Variants in PPFIA4 observed in about 807,000 individuals in gnomAD.
PPFIA4 encodes the protein PPFI scaffold protein A4, also known as liprin-alpha-4.
PPFIA4 carries 98 observed loss-of-function variants against 145.7 expected under a neutral mutation model. That is an observed-to-expected ratio of 0.67 (90% CI 0.57 to 0.80). The LOEUF (loss-of-function observed/expected upper bound fraction) is 0.80. Ranked by LOEUF, PPFIA4 falls within the 30% of genes least tolerant of loss-of-function variation. PPFIA4 has a pLI of 0.00. For missense variants in PPFIA4, 1,457 were observed against 1,632.7 expected (o/e 0.89, Z 1.85); for synonymous variants, 628 against 649.6 (o/e 0.97, Z 0.51).
intron 1 of PPFIA4, among the ~76,000 whole-genome samples, chr1:203,029,793 T>A (rs1558058305): frequency 6.6e-6 from 1 of 152,238 alleles, no homozygotes; most frequent in Non-Finnish European, 1.5e-5. Flanking sequence ...TCATAAAGCA[T>A]GGCATATGGG....
rs568442833 is a variant in PPFIA4, at chr1:203,044,379, G to T, written c.502G>T (p.Val168Leu). The stretch of plus-strand genomic sequence containing the variant: ...CTCCATCTCCCCTTACCTCGAGCAG[G>T]TGCGAGAGCGGCTCCGGGCAGCGCT... ...FEHHKALDEK[V>L]RERLRAALER... Residue 168 changes from valine (V) to leucine (L), a missense_variant and splice_region_variant, in exon 5 of 30, where the codon GTG becomes TTG. Physicochemically the swap from Val to Leu is conservative, Grantham distance 32. Around this residue, in one of 3 missense-constraint regions of PPFIA4, gnomAD observed 463 missense variants for 459.8 expected, o/e 1.01. Transcript: ENST00000295706. 5.3e-5 allele frequency: 82 copies of T among 1,551,396 alleles called. No individual in the cohort carries two copies. Among genetic ancestry groups the T allele is most frequent in the Non-Finnish European group, 6.4e-5 (74 of 1,147,484 alleles).
rs1662549708 is a variant in PPFIA4 at position 203,076,394 on chromosome 1, T to C, written c.*4T>C. On this transcript the variant is annotated 3_prime_UTR_variant, in exon 30 of 30. Coordinates refer to ENST00000295706, the MANE Select transcript of PPFIA4 (RefSeq NM_001304331.2). ...GCTCTCCGCCTTCCGGGACTAGCCATGGCCCCCAGGGCTGGCTTCCTCCTT... is the reference window on the plus strand; with the variant it reads ...GCTCTCCGCCTTCCGGGACTAGCCACGGCCCCCAGGGCTGGCTTCCTCCTT... The C allele has an allele frequency of 2.5e-6, 4 of 1,608,422 alleles. No individual in the cohort carries two copies. Among genetic ancestry groups the C allele is most frequent in the African/African-American group, 2.7e-5 (2 of 75,070 alleles).
intron 28 of PPFIA4, among the ~76,000 whole-genome samples, chr1:203,072,643 G>A (rs1201067221): frequency 6.6e-6 from 1 of 152,158 alleles, no homozygotes; most frequent in Non-Finnish European, 1.5e-5. Context: ...AGCCCAGAGT[G>A]TGTGTGTTTT....
chr1:203,064,855 A>G (rs1661625790), intron 25 of PPFIA4, among the ~76,000 whole-genome samples: 1 of 152,164 alleles, frequency 6.6e-6, no homozygotes, highest in Non-Finnish European at 1.5e-5. Context: ...CCCAGCAGGC[A>G]TTTGTGCTGG....
At chr1:203,073,614 T>G (rs1662320724) in intron 28 of PPFIA4, among the ~76,000 whole-genome samples, 1 of 152,184 alleles carries the variant, frequency 6.6e-6, no homozygotes, top group South Asian at 2.1e-4. Context: ...CTGCTGATTT[T>G]GGTACTTAGT....
At chr1:203,035,469 G>T (rs1448871787) in intron 1 of PPFIA4, 1 of 409,870 alleles carries the variant, frequency 2.4e-6, no homozygotes, top group East Asian at 7.7e-5. Flanking sequence ...GTTTCTAAAG[G>T]CCCAAGGCCT....
At chr1:203,027,350 T>C (rs12135775) in intron 1 of PPFIA4, among the ~76,000 whole-genome samples, 13,164 of 152,180 alleles carry the variant, frequency 0.087, 681 homozygotes, top group East Asian at 0.15. Flanking sequence ...GAGGTTTTGA[T>C]GGTGGGTGGG....
chr1:203,054,977 A>C (rs1311327857), intron 15 of PPFIA4, among the ~76,000 whole-genome samples: 2 of 152,172 alleles, frequency 1.3e-5, no homozygotes, highest in African/African-American at 4.8e-5. Context: ...CCTCCCAGGC[A>C]CACACGTGTA....
At chr1:203,044,129 C>G in intron 4 of PPFIA4, 34 bp downstream of exon 4, 1 of 1,546,420 alleles carries the variant, frequency 6.5e-7, no homozygotes, top group Non-Finnish European at 8.7e-7. Flanking sequence ...CACATCCAGC[C>G]AGGCTGCCCT....
At chr1:203,064,886 G>A (rs1248095260) in intron 25 of PPFIA4, among the ~76,000 whole-genome samples, 2 of 152,170 alleles carry the variant, frequency 1.3e-5, no homozygotes, top group Admixed American at 6.5e-5. Context: ...AGGTGGCCAC[G>A]GTTCTAGGAT....
intron 9 of PPFIA4, among the ~76,000 whole-genome samples, chr1:203,047,258 C>A (rs573200049): frequency 9.2e-5 from 14 of 152,234 alleles, no homozygotes; most frequent in African/African-American, 3.4e-4. Flanking sequence ...GTCTCTGCGA[C>A]CTGGGAAAAG....
intron 8 of PPFIA4, 38 bp downstream of exon 8, chr1:203,046,025 T>TTAG (rs1660060438): frequency 1.2e-6 from 2 of 1,611,316 alleles, no homozygotes; most frequent in Non-Finnish European, 1.7e-6. Flanking sequence ...GGCATTGTAC[T>TTAG]TAGCCCTGGA....
In PPFIA4 at chr1:203,076,396, G is replaced by A; in HGVS notation, c.*6G>A. On this transcript the variant is annotated 3_prime_UTR_variant, in exon 30 of 30. Transcript: ENST00000295706. ...TCTCCGCCTTCCGGGACTAGCCATG[G>A]CCCCCAGGGCTGGCTTCCTCCTTCT... 1.2e-6 allele frequency: 2 copies of A among 1,608,098 alleles called. No individual in the cohort carries two copies. The highest frequency in any genetic ancestry group is 8.5e-7 in the Non-Finnish European group (1 of 1,179,512).
At chr1:203,061,572 C>T (rs1661360731) in intron 23 of PPFIA4, 80 bp from the exon 24 acceptor site, 1 of 1,415,284 alleles carries the variant, frequency 7.1e-7, no homozygotes, top group African/African-American at 1.5e-5. Context: ...TTTTCCTCTC[C>T]TTGATGGGGC....
chr1:203,073,395 A>C (rs1015344245), intron 28 of PPFIA4, among the ~76,000 whole-genome samples: 2 of 152,186 alleles, frequency 1.3e-5, no homozygotes, highest in African/African-American at 4.8e-5. Context: ...TGGGGTGCAC[A>C]TAGAGCTGTG....
chr1:203,068,684 CT>C lies in PPFIA4; in HGVS notation c.3324+57del, dbSNP rs1341036745. On this transcript the variant is annotated intron_variant, in intron 27 of 29. Coordinates refer to ENST00000295706, the MANE Select transcript of PPFIA4 (RefSeq NM_001304331.2). The surrounding 1 kb of genome is among the most constrained non-coding windows in gnomAD (Gnocchi z 4.7). ...TCTCTCCCTGTATCCCTCACTTGCT[CT>C]CTTTCTTTCCCTCATACACAAAGGC... is the stretch of plus-strand genomic sequence containing the variant. 2 of 1,400,788 alleles carry C rather than the reference CT, an allele frequency of 1.4e-6. No individual in the cohort carries two copies. The highest frequency in any genetic ancestry group is 6.7e-5 in the Admixed American group (2 of 29,760). The allele number at this position is 1,400,788 out of a possible 1,614,324, so 86.8% of individuals were successfully genotyped here.
chr1:203,044,932 C>G, intron 6 of PPFIA4, 147 bp downstream of exon 6: 1 of 734,160 alleles, frequency 1.4e-6, no homozygotes, highest in Non-Finnish European at 2.4e-6. Context: ...TTCTTCTTCT[C>G]CCTACCCCAT....
chr1:203,029,383 A>C (rs562551922), intron 1 of PPFIA4, among the ~76,000 whole-genome samples: 1 of 152,326 alleles, frequency 6.6e-6, no homozygotes, highest in African/African-American at 2.4e-5. Context: ...AGAAGCTGCC[A>C]CCAGTTAATT....
At chr1:203,033,496 T>G (rs566110067) in intron 1 of PPFIA4, among the ~76,000 whole-genome samples, 19 of 152,190 alleles carry the variant, frequency 1.2e-4, no homozygotes, top group Non-Finnish European at 2.5e-4. Context: ...CTCAGCACTT[T>G]GTGTAGGCTG....
Sources: allele counts gnomAD v4.1 joint callset (sites outside exome capture counted in the v4.1 genomes callset), GRCh38; gene constraint gnomAD v4.1.1; regional missense constraint gnomAD v4.1.1; non-coding constraint Gnocchi (gnomAD v3.1); transcripts MANE v1.5; gene names NCBI Gene and HGNC (gene_info 2026-07-23, HGNC 2026-07-21).